Variants in TMEM178B observed in about 807,000 individuals in gnomAD.
TMEM178B encodes transmembrane protein 178B.
A neutral mutation model predicts 31.0 loss-of-function variants in TMEM178B; 5 were observed. The ratio of observed to expected loss-of-function variants is 0.16; its 90% confidence interval spans 0.08 to 0.34. TMEM178B has a LOEUF of 0.34. Among genes scored for constraint, TMEM178B ranks in the 10% least tolerant of loss-of-function variants. The pLI, the probability that TMEM178B is intolerant of heterozygous loss-of-function variation, is 1.00. For synonymous variants in TMEM178B, 164 were observed against 164.0 expected (o/e 1.00, Z 0.00); for missense variants, 275 against 400.3 (o/e 0.69, Z 2.67).
intron 2 of TMEM178B, among the ~76,000 whole-genome samples, chr7:141,261,664 A>G (rs1017638227): frequency 6.6e-6 from 1 of 152,146 alleles, no homozygotes; most frequent in African/African-American, 2.4e-5. Context: ...GCCCCGCTCC[A>G]GGTCCTCTGC....
intron 3 of TMEM178B, among the ~76,000 whole-genome samples, chr7:141,447,186 G>C (rs760032229): frequency 6.6e-6 from 1 of 152,078 alleles, no homozygotes; most frequent in East Asian, 1.9e-4. Flanking sequence ...AAAATATAGT[G>C]CGATGTTAGG....
At chr7:141,209,447 T>G (rs891251665) in intron 1 of TMEM178B, among the ~76,000 whole-genome samples, 1 of 152,252 alleles carries the variant, frequency 6.6e-6, no homozygotes, top group African/African-American at 2.4e-5. Flanking sequence ...TTTAATTCCT[T>G]GCATGTAATA....
At chr7:141,330,144 C>T (rs1357363759) in intron 2 of TMEM178B, among the ~76,000 whole-genome samples, 2 of 152,070 alleles carry the variant, frequency 1.3e-5, no homozygotes, top group Non-Finnish European at 2.9e-5. Flanking sequence ...TTCTGGGATA[C>T]ATATGCAGGA....
chr7:141,495,342 G>A, the TMEM178B span, among the ~76,000 whole-genome samples: 6 of 152,222 alleles, frequency 3.9e-5, no homozygotes, highest in African/African-American at 1.4e-4. Context: ...CTCATCTTCA[G>A]TGGAGTCAGC....
chr7:141,289,508 G>A (rs190204019), intron 2 of TMEM178B, among the ~76,000 whole-genome samples: 1 of 152,070 alleles, frequency 6.6e-6, no homozygotes, highest in Non-Finnish European at 1.5e-5. Flanking sequence ...ATGAGGTCAG[G>A]AGTTTGAGGC....
chr7:141,366,916 G>A (rs1800015793), intron 2 of TMEM178B, among the ~76,000 whole-genome samples: 1 of 152,098 alleles, frequency 6.6e-6, no homozygotes, highest in Non-Finnish European at 1.5e-5. Context: ...TTATGGACCT[G>A]AAAACTATTC....
At chr7:141,224,189 T>A (rs992017410) in intron 2 of TMEM178B, among the ~76,000 whole-genome samples, 6 of 152,208 alleles carry the variant, frequency 3.9e-5, no homozygotes, top group Non-Finnish European at 8.8e-5. Flanking sequence ...TCCGTAGTCA[T>A]GTGGAACTGT....
chr7:141,142,364 A>G (rs567223316), intron 1 of TMEM178B, among the ~76,000 whole-genome samples: 1 of 144,230 alleles, frequency 6.9e-6, no homozygotes, highest in African/African-American at 2.9e-5. Context: ...ACATATAAGT[A>G]CATGTGTATT....
At chr7:141,367,086 G>C (rs867712034) in intron 2 of TMEM178B, among the ~76,000 whole-genome samples, 378 of 150,526 alleles carry the variant, frequency 2.5e-3, no homozygotes, top group Non-Finnish European at 4.2e-3. Flanking sequence ...ATGACAGCAG[G>C]GGGGAGGGGT....
At chr7:141,236,663 G>A (rs1022153989) in intron 2 of TMEM178B, among the ~76,000 whole-genome samples, 1 of 152,190 alleles carries the variant, frequency 6.6e-6, no homozygotes, top group African/African-American at 2.4e-5. Flanking sequence ...GCCCTGGAGA[G>A]AAGCCGATTA....
intron 2 of TMEM178B, among the ~76,000 whole-genome samples, chr7:141,238,962 G>T (rs1190069480): frequency 6.6e-6 from 1 of 152,166 alleles, no homozygotes. Flanking sequence ...TGGCTGTCAG[G>T]ATTTCTATTC....
At chr7:141,170,136 C>T (rs191826333) in intron 1 of TMEM178B, among the ~76,000 whole-genome samples, 81 of 152,284 alleles carry the variant, frequency 5.3e-4, no homozygotes, top group African/African-American at 1.8e-3. Flanking sequence ...TTTGGGTTCT[C>T]TCCTTAGCCT....
chr7:141,286,289 A>G (rs1032403181), intron 2 of TMEM178B, among the ~76,000 whole-genome samples: 4 of 152,220 alleles, frequency 2.6e-5, no homozygotes, highest in Non-Finnish European at 4.4e-5. Context: ...ATCTAAATAT[A>G]TAACTTTTTA....
At chr7:141,116,097 A>T (rs1463898299) in intron 1 of TMEM178B, among the ~76,000 whole-genome samples, 2 of 152,204 alleles carry the variant, frequency 1.3e-5, no homozygotes, top group Non-Finnish European at 2.9e-5. Context: ...TGTGTCCCAC[A>T]CTGACTTCAT....
intron 1 of TMEM178B, among the ~76,000 whole-genome samples, chr7:141,182,699 G>T (rs1796549935): frequency 6.6e-6 from 1 of 152,194 alleles, no homozygotes; most frequent in Non-Finnish European, 1.5e-5. Context: ...GCCAGGTGGA[G>T]ATAATTGAAT....
At chr7:141,379,416 C>T (rs958276889) in intron 2 of TMEM178B, among the ~76,000 whole-genome samples, 4 of 152,134 alleles carry the variant, frequency 2.6e-5, no homozygotes, top group Non-Finnish European at 5.9e-5. Flanking sequence ...GCTCAGGAGG[C>T]CGAAGCCGCA....
intron 2 of TMEM178B, among the ~76,000 whole-genome samples, chr7:141,410,396 T>A (rs1281938412): frequency 6.6e-6 from 1 of 151,696 alleles, no homozygotes. Context: ...GACTGTGTCC[T>A]TGGTCCTTTT....
chr7:141,153,755 T>A (rs939656341), intron 1 of TMEM178B, among the ~76,000 whole-genome samples: 5 of 152,226 alleles, frequency 3.3e-5, no homozygotes, highest in Non-Finnish European at 7.3e-5. Flanking sequence ...ATTAGAATGT[T>A]TATCTTTTTC....
chr7:141,338,548 C>G (rs1004980809), intron 2 of TMEM178B, among the ~76,000 whole-genome samples: 9 of 152,144 alleles, frequency 5.9e-5, no homozygotes, highest in Admixed American at 2.6e-4. Flanking sequence ...GGGGTGATGT[C>G]TATTTTCTTA....
Sources: gnomAD v4.1 joint callset for allele counts (sites outside exome capture counted in the v4.1 genomes callset) on GRCh38, gnomAD v4.1.1 for gene constraint, MANE v1.5 for transcripts, NCBI Gene and HGNC (gene_info 2026-07-23, HGNC 2026-07-21) for gene names.